The following TMC1 variants were observed in gnomAD, a reference collection of about 807,000 sequenced individuals.
TMC1 encodes the protein transmembrane channel like 1.
Under a neutral mutation model 105.8 loss-of-function variants are expected in TMC1, and 84 were observed. The ratio of observed to expected loss-of-function variants is 0.79; its 90% CI spans 0.67 to 0.95. TMC1 has a LOEUF of 0.95. TMC1 is among the 40% of genes least tolerant of loss of function. TMC1 has a pLI of 0.00. For synonymous variants in TMC1, 315 were observed against 311.5 expected (o/e 1.01, Z -0.12); for missense variants, 817 against 914.1 (o/e 0.89, Z 1.37).
At chr9:72,591,201 G>C (rs1418580661) in intron 2 of TMC1, among the ~76,000 whole-genome samples, 1 of 152,180 alleles carries the variant, frequency 6.6e-6, no homozygotes, top group African/African-American at 2.4e-5. Context: ...TGAATTTTAA[G>C]TAGAGGTGGC....
At chr9:72,632,583 T>C (rs1216247532) in intron 4 of TMC1, among the ~76,000 whole-genome samples, 1 of 152,134 alleles carries the variant, frequency 6.6e-6, no homozygotes, top group Non-Finnish European at 1.5e-5. Flanking sequence ...CTTTACATAT[T>C]CCTAAGGAAC....
intron 17 of TMC1, among the ~76,000 whole-genome samples, chr9:72,798,315 C>T (rs573515598): frequency 8.9e-4 from 135 of 152,190 alleles, no homozygotes; most frequent in South Asian, 6.2e-3. Context: ...GGCGATTCCT[C>T]AAAGAGCTAA....
intron 8 of TMC1, among the ~76,000 whole-genome samples, chr9:72,723,148 G>C (rs1356198196): frequency 6.6e-6 from 1 of 152,066 alleles, no homozygotes; most frequent in Non-Finnish European, 1.5e-5. Flanking sequence ...GTGCATCAAT[G>C]ACTTCTTATC....
chr9:72,807,114 G>C (rs1476677892), intron 18 of TMC1, among the ~76,000 whole-genome samples: 1 of 152,212 alleles, frequency 6.6e-6, no homozygotes, highest in Non-Finnish European at 1.5e-5. Context: ...CCAGTCAGGC[G>C]TGTCGGCGCG....
At chr9:72,534,471 A>G (rs1210382588) in intron 1 of TMC1, among the ~76,000 whole-genome samples, 2 of 152,242 alleles carry the variant, frequency 1.3e-5, no homozygotes, top group Non-Finnish European at 2.9e-5. Flanking sequence ...ATTTATGAAC[A>G]TTCTGGAAAA....
chr9:72,807,551 C>T (rs1210051388), intron 18 of TMC1, among the ~76,000 whole-genome samples: 1 of 152,154 alleles, frequency 6.6e-6, no homozygotes, highest in Non-Finnish European at 1.5e-5. Context: ...CCCTGTAGCC[C>T]ACCTTCTCCC....
At chr9:72,630,925 G>A (rs1825438694) in intron 4 of TMC1, among the ~76,000 whole-genome samples, 1 of 150,806 alleles carries the variant, frequency 6.6e-6, no homozygotes, top group Non-Finnish European at 1.5e-5. Context: ...CTGGAGTGCA[G>A]TGGAACGATC....
At chr9:72,715,510 T>C (rs1162239687) in intron 8 of TMC1, among the ~76,000 whole-genome samples, 1 of 152,108 alleles carries the variant, frequency 6.6e-6, no homozygotes, top group East Asian at 1.9e-4. Context: ...TATCATTGAA[T>C]TGATCTCCAA....
intron 5 of TMC1, among the ~76,000 whole-genome samples, chr9:72,676,466 G>A (rs1797005): frequency 0.012 from 1,850 of 152,184 alleles, 37 homozygotes; most frequent in African/African-American, 0.041. Context: ...TGAGTATATT[G>A]CATGTATTTA....
intron 6 of TMC1, among the ~76,000 whole-genome samples, chr9:72,690,146 G>A (rs1052411348): frequency 6.6e-6 from 1 of 151,206 alleles, no homozygotes; most frequent in Non-Finnish European, 1.5e-5. Context: ...GGTTACCATG[G>A]GACTCATGTT....
At chr9:72,821,194 T>C in intron 20 of TMC1, 113 bp downstream of exon 20, 1 of 1,525,362 alleles carries the variant, frequency 6.6e-7, no homozygotes, top group Non-Finnish European at 9.0e-7. Flanking sequence ...CATTTTTGGT[T>C]GGTGGAAATG....
intron 8 of TMC1, among the ~76,000 whole-genome samples, chr9:72,709,762 A>G (rs2793147): frequency 0.99 from 151,385 of 152,292 alleles, 75,243 homozygotes; most frequent in Middle Eastern, 1. Flanking sequence ...TCTTTGCTTC[A>G]TTAATCTTGC....
chr9:72,543,954 T>TTCTTTC (rs71357580), intron 1 of TMC1, among the ~76,000 whole-genome samples: 23,124 of 116,892 alleles, frequency 0.2, 2,027 homozygotes, highest in African/African-American at 0.24. Flanking sequence ...CTTTCTTTCT[T>TTCTTTC]TTTTTTTTTT....
chr9:72,568,572 C>T (rs1159180583), intron 1 of TMC1, among the ~76,000 whole-genome samples: 2 of 152,186 alleles, frequency 1.3e-5, no homozygotes, highest in East Asian at 3.8e-4. Context: ...GAAACTTACA[C>T]TGTAAGCTTT....
chr9:72,824,391 C>T lies in TMC1; in HGVS notation c.2004-2478C>T, dbSNP rs1368628413. 2.0e-5 allele frequency among the ~76,000 whole-genome samples: 3 copies of T among 152,224 alleles called. No homozygotes were observed. In the East Asian group the frequency reaches 5.8e-4, roughly 29 times the overall value. Reference sequence around the variant, plus strand: ...ACAGTCTTTCCTGGGTTCCCACAATCGGTGGGTCCCAAGCTCTTGTCCAGC... The same window carrying T: ...ACAGTCTTTCCTGGGTTCCCACAATTGGTGGGTCCCAAGCTCTTGTCCAGC... On this transcript the variant is annotated intron_variant, in intron 20 of 23. Coordinates refer to ENST00000297784, the MANE Select transcript of TMC1 (RefSeq NM_138691.3).
intron 5 of TMC1, among the ~76,000 whole-genome samples, chr9:72,684,076 A>C (rs1826337247): frequency 6.6e-6 from 1 of 152,062 alleles, no homozygotes; most frequent in Non-Finnish European, 1.5e-5. Flanking sequence ...GGATAAACCA[A>C]AAGCAGAAAT....
At chr9:72,602,366 A>ATTTTTTTT (rs66682329) in intron 2 of TMC1, among the ~76,000 whole-genome samples, 1 of 86,552 alleles carries the variant, frequency 1.2e-5, no homozygotes, top group Non-Finnish European at 2.1e-5. Flanking sequence ...CCTATTGGTG[A>ATTTTTTTT]TTTTTTTTTT....
At chr9:72,752,535 A>G (rs892926166) in intron 11 of TMC1, among the ~76,000 whole-genome samples, 3 of 152,122 alleles carry the variant, frequency 2.0e-5, no homozygotes, top group African/African-American at 7.2e-5. Context: ...AAACTAAAAC[A>G]CATAGAGGGT....
At chr9:72,791,411 A>G (rs1828264823) in intron 15 of TMC1, among the ~76,000 whole-genome samples, 1 of 152,214 alleles carries the variant, frequency 6.6e-6, no homozygotes, top group African/African-American at 2.4e-5. Context: ...TTCAATATTT[A>G]GGCCTAGGCC....
Sources: allele counts gnomAD v4.1 joint callset (sites outside exome capture counted in the v4.1 genomes callset), GRCh38; gene constraint gnomAD v4.1.1; transcripts MANE v1.5; gene names NCBI Gene and HGNC (gene_info 2026-07-23, HGNC 2026-07-21).